Variants in ZNF154 observed in about 807,000 individuals in gnomAD.
ZNF154 encodes the protein zinc finger protein 154.
A neutral mutation model predicts 7.5 loss-of-function variants in ZNF154; 6 were observed. The ratio of observed to expected loss-of-function variants is 0.80; its 90% CI spans 0.44 to 1.57. ZNF154 has a LOEUF of 1.57. ZNF154 is among the 40% of genes most tolerant of loss of function. The pLI is 0.01. For missense variants in ZNF154, 485 were observed against 531.4 expected (o/e 0.91, Z 0.86); for synonymous variants, 187 against 185.9 (o/e 1.01, Z -0.05).
rs1446806574 is a variant in ZNF154 at position 57,709,147 on chromosome 19, G to T, written c.-176C>A. On this transcript the variant is annotated 5_prime_UTR_variant, in exon 1 of 3. Transcript: ENST00000684351. ...CTCACGCCTTCGTGGCCCCAACTCG[G>T]CGCTCTGCTATCTCTGATCCGGTGA... The T allele has an allele frequency of 3.0e-5, 24 of 793,730 alleles. No homozygotes were observed. The highest frequency in any genetic ancestry group is 1.5e-4 in the Admixed American group (6 of 40,894). 49.2% of individuals were successfully genotyped at this position (793,730 alleles called of 1,614,324 possible).
At position 57,698,870 on chromosome 19, in the gene ZNF154, T is replaced by G. The variant is rs1185186433; in HGVS notation, c.*2765A>C. ...GTGCAGTGACATGATCTTGGCTCACTGCAACCTCCACCTCCCGGGGTTCAA... is the reference window on the plus strand; with the variant it reads ...GTGCAGTGACATGATCTTGGCTCACGGCAACCTCCACCTCCCGGGGTTCAA... On this transcript the variant is annotated 3_prime_UTR_variant, in exon 3 of 3. Transcript: ENST00000684351. 1 of 152,232 alleles carries G rather than the reference T, an allele frequency of 6.6e-6. No individual in the cohort carries two copies. The highest frequency in any genetic ancestry group is 6.5e-5 in the Admixed American group (1 of 15,284). 9.4% of individuals were successfully genotyped at this position (152,232 alleles called of 1,614,324 possible). A position where few individuals can be genotyped will look rare whatever the true frequency, so the allele number is the denominator to read the frequency against.
At position 57,709,138 on chromosome 19, in the gene ZNF154, C is replaced by T. The variant is rs1054175620; in HGVS notation, c.-167G>A. Reference sequence around the variant, plus strand: ...ACGACTCCCCTCACGCCTTCGTGGCCCCAACTCGGCGCTCTGCTATCTCTG... The same window carrying T: ...ACGACTCCCCTCACGCCTTCGTGGCTCCAACTCGGCGCTCTGCTATCTCTG... On this transcript the variant is annotated 5_prime_UTR_variant, in exon 1 of 3. Transcript: ENST00000684351. 5 of 861,568 alleles carry T rather than the reference C, an allele frequency of 5.8e-6. No individual in the cohort carries two copies. In the African/African-American group the frequency reaches 8.4e-5, roughly 15 times the overall value. 53.4% of individuals were successfully genotyped at this position (861,568 alleles called of 1,614,324 possible).
intron 2 of ZNF154, among the ~76,000 whole-genome samples, chr19:57,703,180 A>G (rs1185727603): frequency 6.6e-6 from 1 of 152,158 alleles, no homozygotes; most frequent in African/African-American, 2.4e-5. Context: ...CTGTTTAGCA[A>G]TTCTAGGATA....
At position 57,697,327 on chromosome 19, in the gene ZNF154, T is replaced by A. The variant is rs923570816; in HGVS notation, c.*4308A>T. 7 of 152,230 alleles carry A rather than the reference T, an allele frequency of 4.6e-5. No homozygotes were observed. Among genetic ancestry groups the A allele is most frequent in the African/African-American group, 9.6e-5 (4 of 41,462 alleles). 9.4% of individuals were successfully genotyped at this position (152,230 alleles called of 1,614,324 possible). On this transcript the variant is annotated 3_prime_UTR_variant, in exon 3 of 3. Transcript: ENST00000684351. ...TCACCGATTTCATCAACATCTAGTG[T>A]ACAAGTTAAACAATGTTAGAGATTC...
At chr19:57,706,767 C>A (rs1396459575) in intron 1 of ZNF154, among the ~76,000 whole-genome samples, 1 of 152,220 alleles carries the variant, frequency 6.6e-6, no homozygotes, top group Non-Finnish European at 1.5e-5. Flanking sequence ...TGGTCCTTAG[C>A]CCCCATTCTG....
intron 2 of ZNF154, among the ~76,000 whole-genome samples, chr19:57,704,003 C>T (rs913630907): frequency 7.9e-5 from 12 of 151,494 alleles, no homozygotes; most frequent in South Asian, 2.1e-4. Flanking sequence ...AGTGAGACTC[C>T]GTCTCAAAAA....
chr19:57,705,147 A>G (rs773597547), intron 1 of ZNF154, among the ~76,000 whole-genome samples, 168 bp from the exon 2 acceptor site: 33 of 152,166 alleles, frequency 2.2e-4, no homozygotes, highest in Non-Finnish European at 4.0e-4. Context: ...CTGGCATGGA[A>G]GGATCCATAC....
intron 1 of ZNF154, among the ~76,000 whole-genome samples, chr19:57,707,388 G>A (rs1012905754): frequency 2.6e-5 from 4 of 152,098 alleles, no homozygotes; most frequent in Non-Finnish European, 4.4e-5. Flanking sequence ...TGGGGTCATC[G>A]CTGAATCCTG....
At chr19:57,705,928 C>G (rs895039373) in intron 1 of ZNF154, among the ~76,000 whole-genome samples, 16 of 152,216 alleles carry the variant, frequency 1.1e-4, no homozygotes, top group African/African-American at 3.1e-4. Flanking sequence ...GGATCAACTG[C>G]CCCCTGGTTC....
rs371191158 is a variant in ZNF154 at position 57,704,874 on chromosome 19, A to G, written c.139T>C (p.Leu47=). The G allele has an allele frequency of 3.4e-5, 55 of 1,612,982 alleles. No homozygotes were observed. The highest frequency in any genetic ancestry group is 1.2e-4 in the African/African-American group (9 of 74,830). The change falls in exon 2 of 3, where the codon TTG becomes CTG. Residue 47 remains leucine, a synonymous_variant. Transcript: ENST00000684351. ...TTACCTAGAGAGGTTAAAAGAGCCA[A>G]GTTCTCCAGCATCACATCACGGTAC... is the stretch of plus-strand genomic sequence containing the variant. The part of the protein sequence containing the change: ...CLYRDVMLEN[L]ALLTSLDVHH...
rs921969081 is a variant in ZNF154, at chr19:57,698,352, G to A, written c.*3283C>T. The A allele has an allele frequency of 2.6e-5, 4 of 152,190 alleles. No homozygotes were observed. Among genetic ancestry groups the A allele is most frequent in the Admixed American group, 2.0e-4 (3 of 15,278 alleles). 9.4% of individuals were successfully genotyped at this position (152,190 alleles called of 1,614,324 possible). A position where few individuals can be genotyped will look rare whatever the true frequency, so the allele number is the denominator to read the frequency against. On this transcript the variant is annotated 3_prime_UTR_variant, in exon 3 of 3. Coordinates refer to ENST00000684351, the MANE Select transcript of ZNF154 (RefSeq NM_001085384.3). The stretch of plus-strand genomic sequence containing the variant: ...ACACGTTCATTGTCATGATTGTGAA[G>A]AAACAACTTCTTCCTAATCATTTCA...
chr19:57,707,694 C>G (rs934801713), intron 1 of ZNF154, among the ~76,000 whole-genome samples: 1 of 152,176 alleles, frequency 6.6e-6, no homozygotes, highest in Non-Finnish European at 1.5e-5. Flanking sequence ...GACTCCTTCC[C>G]CCTGCTCTTT....
intron 1 of ZNF154, among the ~76,000 whole-genome samples, chr19:57,708,722 T>G (rs1985499487): frequency 6.6e-6 from 1 of 152,222 alleles, no homozygotes. Context: ...CGAATTCTCC[T>G]GGCTCAGTCG....
At chr19:57,707,659 C>T (rs958609106) in intron 1 of ZNF154, among the ~76,000 whole-genome samples, 3 of 152,198 alleles carry the variant, frequency 2.0e-5, no homozygotes, top group African/African-American at 7.2e-5. Context: ...AGGTACCCAA[C>T]TTCTCAGGCA....
At chr19:57,703,043 T>G (rs1985244323) in intron 2 of ZNF154, among the ~76,000 whole-genome samples, 1 of 152,204 alleles carries the variant, frequency 6.6e-6, no homozygotes. Context: ...CAAGAAATGC[T>G]AGTGAAGTGC....
At position 57,700,369 on chromosome 19, in the gene ZNF154, T is replaced by C. The variant is rs1243116351; in HGVS notation, c.*1266A>G. On this transcript the variant is annotated 3_prime_UTR_variant, in exon 3 of 3. Coordinates refer to ENST00000684351, the MANE Select transcript of ZNF154 (RefSeq NM_001085384.3). ...ACCTCAGCTACACAAGATACACAATTCTGTAGGTCCTGAGGATTTCTGTAC... is the reference window on the plus strand; with the variant it reads ...ACCTCAGCTACACAAGATACACAATCCTGTAGGTCCTGAGGATTTCTGTAC... The C allele has an allele frequency of 6.6e-6, 1 of 152,164 alleles. No individual in the cohort carries two copies. The highest frequency in any genetic ancestry group is 6.5e-5 in the Admixed American group (1 of 15,278). 9.4% of individuals were successfully genotyped at this position (152,164 alleles called of 1,614,324 possible). A position where few individuals can be genotyped will look rare whatever the true frequency, so the allele number is the denominator to read the frequency against.
Position 57,702,269 on chromosome 19 carries a change from C to A in ZNF154, c.680G>T (p.Ser227Ile), listed in dbSNP as rs368530282. ...ATGTTTAATGAGGTTAGACTTGTTG[C>A]TAAATAATTTTCCACATTCATCACA... ...HECDECGKLF[S>I]NKSNLIKHRR... Residue 227 changes from serine (S) to isoleucine (I), a missense_variant, in exon 3 of 3, where the codon AGC (serine) becomes ATC (isoleucine). By Grantham distance (142) the Ser-to-Ile change is moderately radical. Coordinates refer to ENST00000684351, the MANE Select transcript of ZNF154 (RefSeq NM_001085384.3). 3.1e-6 allele frequency: 5 copies of A among 1,614,030 alleles called. No homozygotes were observed. The highest frequency in any genetic ancestry group is 1.3e-5 in the African/African-American group (1 of 74,902).
At position 57,701,576 on chromosome 19, in the gene ZNF154, A is replaced by T; in HGVS notation, c.*59T>A. ...TGAAGCTTTCTGACATTCACTGTGT[A>T]CTCAAGGACTTTCTCCAGGGTGCTA... On this transcript the variant is annotated 3_prime_UTR_variant, in exon 3 of 3. Coordinates refer to ENST00000684351, the MANE Select transcript of ZNF154 (RefSeq NM_001085384.3). 6.5e-7 allele frequency: 1 copy of T among 1,542,744 alleles called. No homozygotes were observed. The highest frequency in any genetic ancestry group is 8.8e-7 in the Non-Finnish European group (1 of 1,134,738).
intron 2 of ZNF154, among the ~76,000 whole-genome samples, chr19:57,703,408 C>T: frequency 6.8e-6 from 1 of 145,986 alleles, no homozygotes; most frequent in East Asian, 2.1e-4. Flanking sequence ...TCACTTGAAC[C>T]CGGGAGGCGG....
Sources: gnomAD v4.1 joint callset for allele counts (sites outside exome capture counted in the v4.1 genomes callset) on GRCh38, gnomAD v4.1.1 for gene constraint, MANE v1.5 for transcripts, NCBI Gene and HGNC (gene_info 2026-07-23, HGNC 2026-07-21) for gene names.